SAMSN1: variants seen among roughly 807,000 people sequenced by gnomAD.
The protein encoded by SAMSN1 is SAM domain, SH3 domain and nuclear localization signals 1.
In SAMSN1, 31 loss-of-function variants were observed where a neutral mutation model predicts 42.0. That is an observed-to-expected ratio of 0.74 (90% CI 0.55 to 1.00). SAMSN1 has a LOEUF of 1.00. SAMSN1 is among the 50% of genes least tolerant of loss of function. SAMSN1 has a pLI of 0.00. For synonymous variants in SAMSN1, 178 were observed against 151.9 expected (o/e 1.17, Z -1.26); for missense variants, 464 against 439.4 (o/e 1.06, Z -0.50).
In SAMSN1 at chr21:14,628,033, G is replaced by A. The variant is rs183878337; in HGVS notation, c.157-12017C>T. Among the ~76,000 whole-genome samples the A allele has an allele frequency of 7.2e-3, 1,096 of 152,168 alleles. 8 individuals are homozygous for A. The highest frequency in any genetic ancestry group is 0.012 in the Non-Finnish European group (831 of 68,010). On this transcript the variant is annotated intron_variant, in intron 2 of 15. Coordinates refer to the SAMSN1 transcript ENST00000647101. ...CCAGCAATAGACAGGATGGTACCAGGAGCTGAAATTATTTTTATAGTAATA... is the reference window on the plus strand; with the variant it reads ...CCAGCAATAGACAGGATGGTACCAGAAGCTGAAATTATTTTTATAGTAATA...
At chr21:14,566,189 G>C (rs1020120493) in intron 2 of SAMSN1, among the ~76,000 whole-genome samples, 7 of 152,130 alleles carry the variant, frequency 4.6e-5, no homozygotes, top group African/African-American at 1.7e-4. Context: ...CATCTGAATT[G>C]AAGTAATGCA....
At chr21:14,642,929 A>G (rs458292) in intron 2 of SAMSN1, 539,716 of 674,008 alleles carry the variant, frequency 0.8, 217,336 homozygotes, top group Admixed American at 0.85. Context: ...TGTATTAATA[A>G]GTATCATTAG....
intron 2 of SAMSN1, among the ~76,000 whole-genome samples, chr21:14,555,187 G>T (rs1980724420): frequency 6.6e-6 from 1 of 152,106 alleles, no homozygotes; most frequent in South Asian, 2.1e-4. Context: ...TCATTTCATT[G>T]CAGCCTCCTT....
intron 7 of SAMSN1, chr21:14,592,677 C>G (rs1338439603): frequency 5.7e-6 from 2 of 352,562 alleles, no homozygotes; most frequent in African/African-American, 2.2e-5. Context: ...GAATGACCTA[C>G]TGTTAATCAC....
chr21:14,509,486 G>A (rs187853504), intron 5 of SAMSN1, among the ~76,000 whole-genome samples: 21 of 152,182 alleles, frequency 1.4e-4, no homozygotes, highest in Admixed American at 2.0e-4. Flanking sequence ...ACAAATAACC[G>A]CTAAAGAACT....
At chr21:14,553,394 G>C (rs1469933405) in intron 2 of SAMSN1, among the ~76,000 whole-genome samples, 1 of 151,976 alleles carries the variant, frequency 6.6e-6, no homozygotes, top group African/African-American at 2.4e-5. Flanking sequence ...CAAGTGATTT[G>C]TTTCAAATAT....
intron 3 of SAMSN1, among the ~76,000 whole-genome samples, chr21:14,516,199 C>T (rs1230186407): frequency 6.6e-6 from 1 of 152,138 alleles, no homozygotes; most frequent in African/African-American, 2.4e-5. Context: ...CAGCATTATT[C>T]ATAATAGCCA....
chr21:14,571,888 A>G (rs1981313938), intron 2 of SAMSN1, among the ~76,000 whole-genome samples: 2 of 152,214 alleles, frequency 1.3e-5, no homozygotes, highest in African/African-American at 4.8e-5. Context: ...CACTGTATAC[A>G]TTTCAGTGAG....
chr21:14,556,950 C>T (rs1242426264), intron 2 of SAMSN1, among the ~76,000 whole-genome samples: 18 of 152,166 alleles, frequency 1.2e-4, no homozygotes. Context: ...CCCAGCAACA[C>T]CCTCTCCAAC....
chr21:14,533,108 C>T (rs1979372367), intron 1 of SAMSN1, among the ~76,000 whole-genome samples: 2 of 151,856 alleles, frequency 1.3e-5, no homozygotes, highest in Non-Finnish European at 2.9e-5. Context: ...TTTGTAGAGA[C>T]AAAGTCTCAC....
chr21:14,566,069 A>G (rs1001465619), intron 2 of SAMSN1, among the ~76,000 whole-genome samples: 3 of 152,086 alleles, frequency 2.0e-5, no homozygotes, highest in African/African-American at 7.2e-5. Flanking sequence ...CTTTTTAACA[A>G]TTTTCCCAGA....
upstream of SAMSN1, among the ~76,000 whole-genome samples, chr21:14,546,752 C>G (rs1466490059): frequency 6.6e-6 from 1 of 152,010 alleles, no homozygotes; most frequent in Non-Finnish European, 1.5e-5. Flanking sequence ...CTCTGTCACC[C>G]AGGCTAGAGT....
intron 2 of SAMSN1, among the ~76,000 whole-genome samples, chr21:14,626,348 T>C (rs965953777): frequency 2.0e-5 from 3 of 152,062 alleles, no homozygotes; most frequent in African/African-American, 4.8e-5. Flanking sequence ...AGGCAACCTA[T>C]AGAGTGGGAG....
At chr21:14,650,229 G>A (rs1983808824) in intron 1 of SAMSN1, among the ~76,000 whole-genome samples, 1 of 152,090 alleles carries the variant, frequency 6.6e-6, no homozygotes, top group South Asian at 2.1e-4. Context: ...GCCAAAAGCT[G>A]CAGAATACTC....
chr21:14,571,821 G>T (rs1238706155), intron 2 of SAMSN1, among the ~76,000 whole-genome samples: 1 of 152,108 alleles, frequency 6.6e-6, no homozygotes, highest in Non-Finnish European at 1.5e-5. Context: ...GTCTCTCACA[G>T]GCATGGGGTC....
intron 1 of SAMSN1, among the ~76,000 whole-genome samples, chr21:14,528,967 G>A (rs540498314): frequency 4.6e-5 from 7 of 152,250 alleles, no homozygotes; most frequent in South Asian, 2.1e-4. Flanking sequence ...CACAGATGAT[G>A]AGAACTGAGG....
At chr21:14,490,225 T>A (rs957551110) in intron 7 of SAMSN1, among the ~76,000 whole-genome samples, 1 of 152,108 alleles carries the variant, frequency 6.6e-6, no homozygotes, top group African/African-American at 2.4e-5. Context: ...AATAAATAAT[T>A]TTTTAATAAA....
chr21:14,498,802 A>C (rs941194438), intron 6 of SAMSN1, among the ~76,000 whole-genome samples: 1 of 152,244 alleles, frequency 6.6e-6, no homozygotes, highest in African/African-American at 2.4e-5. Flanking sequence ...TGGAAGGCCA[A>C]ATGTAAAGAA....
intron 2 of SAMSN1, among the ~76,000 whole-genome samples, chr21:14,621,907 G>C (rs1216249348): frequency 6.6e-6 from 1 of 152,190 alleles, no homozygotes. Flanking sequence ...ACATGGCTGG[G>C]TACCCCTCTG....
Sources: allele counts gnomAD v4.1 joint callset (sites outside exome capture counted in the v4.1 genomes callset), GRCh38; gene constraint gnomAD v4.1.1; transcripts MANE v1.5; gene names NCBI Gene and HGNC (gene_info 2026-07-23, HGNC 2026-07-21).